The following SNRPN variants were observed in gnomAD, a reference collection of about 807,000 sequenced individuals.
SNRPN encodes small nuclear ribonucleoprotein-associated protein N.
Under a neutral mutation model 25.2 loss-of-function variants are expected in SNRPN, and 7 were observed. The ratio of observed to expected loss-of-function variants is 0.28; its 90% CI spans 0.16 to 0.52. The LOEUF (loss-of-function observed/expected upper bound fraction) is 0.52. Among genes scored for constraint, SNRPN ranks in the 20% least tolerant of loss-of-function variants. SNRPN has a pLI of 0.96. For synonymous variants in SNRPN, 124 were observed against 110.6 expected (o/e 1.12, Z -0.76); for missense variants, 196 against 322.5 (o/e 0.61, Z 3.00).
At chr15:24,899,587 A>G (rs2058318399) in intron 2 of SNRPN, among the ~76,000 whole-genome samples, 1 of 152,218 alleles carries the variant, frequency 6.6e-6, no homozygotes, top group African/African-American at 2.4e-5. Flanking sequence ...TTCTAGCATC[A>G]GGCTCCTACA....
At chr15:24,934,666 C>T (rs2061111228) in intron 3 of SNRPN, among the ~76,000 whole-genome samples, 2 of 152,184 alleles carry the variant, frequency 1.3e-5, no homozygotes, top group Non-Finnish European at 1.5e-5. Context: ...TCAAGCAATC[C>T]TATCTCAGCC....
At chr15:24,930,210 C>CAA (rs10554147) in intron 3 of SNRPN, among the ~76,000 whole-genome samples, 74 of 93,856 alleles carry the variant, frequency 7.9e-4, no homozygotes, top group Non-Finnish European at 1.3e-3. Context: ...CACCACAGTC[C>CAA]AAAAAAAAAA....
chr15:24,937,259 A>C lies in SNRPN; in HGVS notation c.-391+17135A>C, dbSNP rs180850783. Among the ~76,000 whole-genome samples the C allele has an allele frequency of 3.5e-3, 538 of 152,248 alleles. 7 individuals carry two copies. The highest frequency in any genetic ancestry group is 0.026 in the Admixed American group (399 of 15,280). ...CGTCTAAAACAAACAAACAAACAAAAAAATCAAAACAATTTCCCTAGAAAT... is the reference window on the plus strand; with the variant it reads ...CGTCTAAAACAAACAAACAAACAAACAAATCAAAACAATTTCCCTAGAAAT... On this transcript the variant is annotated intron_variant, in intron 3 of 11. Transcript: ENST00000400097.
chr15:24,841,075 G>A (rs774652842), intron 2 of SNRPN, among the ~76,000 whole-genome samples: 10 of 152,024 alleles, frequency 6.6e-5, no homozygotes, highest in African/African-American at 1.9e-4. Context: ...TCCTGACCTC[G>A]TGATTCACCC....
chr15:24,928,625 G>A (rs181500491), intron 3 of SNRPN, among the ~76,000 whole-genome samples: 1 of 151,972 alleles, frequency 6.6e-6, no homozygotes, highest in African/African-American at 2.4e-5. Context: ...TCTCTATCTA[G>A]CTGTAATTTT....
intron 1 of SNRPN, 96 bp from the exon 2 acceptor site, chr15:24,962,018 A>G (rs753428942): frequency 1.1e-5 from 11 of 1,032,528 alleles, no homozygotes; most frequent in Non-Finnish European, 1.7e-5. Context: ...TTAAAAATCC[A>G]TTATATTAAA....
intron 1 of SNRPN, among the ~76,000 whole-genome samples, chr15:24,959,166 C>T (rs1183036754): frequency 1.3e-5 from 2 of 152,172 alleles, no homozygotes; most frequent in Admixed American, 1.3e-4. Context: ...AAACATTTAA[C>T]ACCCTTTCTA....
At chr15:24,927,912 C>T (rs1315824822) in intron 3 of SNRPN, among the ~76,000 whole-genome samples, 2 of 152,174 alleles carry the variant, frequency 1.3e-5, no homozygotes, top group Non-Finnish European at 2.9e-5. Flanking sequence ...TCTACTGATG[C>T]TGTTTTGGTT....
At chr15:24,832,810 CA>C (rs1299995744) in intron 2 of SNRPN, among the ~76,000 whole-genome samples, 1 of 151,850 alleles carries the variant, frequency 6.6e-6, no homozygotes, top group African/African-American at 2.4e-5. Flanking sequence ...ACGTAGAACT[CA>C]AAAGATGATG....
chr15:24,848,006 T>G (rs1360208625), intron 2 of SNRPN, among the ~76,000 whole-genome samples: 1 of 151,940 alleles, frequency 6.6e-6, no homozygotes, highest in Non-Finnish European at 1.5e-5. Context: ...TATTATTACA[T>G]AAAACGTTTT....
chr15:24,896,564 A>C (rs2058092458), intron 2 of SNRPN, among the ~76,000 whole-genome samples: 1 of 152,090 alleles, frequency 6.6e-6, no homozygotes, highest in East Asian at 1.9e-4. Flanking sequence ...ATACAAAAAA[A>C]CTAGCTAGGT....
intron 3 of SNRPN, among the ~76,000 whole-genome samples, chr15:24,922,688 A>G (rs2060099419): frequency 6.6e-6 from 1 of 151,656 alleles, no homozygotes. Flanking sequence ...TTGATATTGC[A>G]TTTTCTGTAT....
rs137994662 is a variant in SNRPN at position 24,900,731 on chromosome 15, C to T, written c.-505+14142C>T. On this transcript the variant is annotated intron_variant, in intron 2 of 11. Transcript: ENST00000400097. Reference sequence around the variant, plus strand: ...GAATGTTGGAAGAGCATTCTAAGGCCGTTATACTAAGGAGGACAAAATATA... The same window carrying T: ...GAATGTTGGAAGAGCATTCTAAGGCTGTTATACTAAGGAGGACAAAATATA... 9.1e-3 allele frequency among the ~76,000 whole-genome samples: 1,384 copies of T among 152,146 alleles called. 4 individuals are homozygous for T. Among genetic ancestry groups the T allele is most frequent in the Non-Finnish European group, 0.015 (992 of 68,004 alleles).
intron 2 of SNRPN, chr15:24,966,947 C>T (rs2075730737): frequency 6.6e-6 from 1 of 152,046 alleles, no homozygotes; most frequent in East Asian, 1.9e-4. Context: ...GGGCTTTTGT[C>T]TGGAATTCCC....
Position 24,891,751 on chromosome 15 carries a change from A to G in SNRPN, c.-505+5162A>G, listed in dbSNP as rs916595940. On this transcript the variant is annotated intron_variant, in intron 2 of 11. Transcript: ENST00000400097. ...CCACACCCGGCAAATTTCTTTTAAG[A>G]TATTTTATAAATTAATTTGGTAATA... is the stretch of plus-strand genomic sequence containing the variant. Among the ~76,000 whole-genome samples the G allele has an allele frequency of 9.9e-5, 15 of 152,076 alleles. 1 individual carries two copies. Among genetic ancestry groups the G allele is most frequent in the East Asian group, 3.9e-4 (2 of 5,182 alleles).
chr15:24,949,112 C>T (rs1306242502), intron 3 of SNRPN, among the ~76,000 whole-genome samples: 1 of 145,520 alleles, frequency 6.9e-6, no homozygotes, highest in Non-Finnish European at 1.5e-5. Context: ...ACCTCCGTCT[C>T]CTGGGTTCAA....
In SNRPN at chr15:24,954,998, C is replaced by T. The variant is rs1040207732; in HGVS notation, c.-455C>T. ...GCAGCGAGTCTGGCGCAGAGTGGAGCGGCCGCCGGAGATGCCTGACGCATC... is the reference window on the plus strand; with the variant it reads ...GCAGCGAGTCTGGCGCAGAGTGGAGTGGCCGCCGGAGATGCCTGACGCATC... On this transcript the variant is annotated 5_prime_UTR_variant, in exon 1 of 10. Transcript: ENST00000390687. 16 of 1,609,982 alleles carry T rather than the reference C, an allele frequency of 9.9e-6. No homozygotes were observed. Among genetic ancestry groups the T allele is most frequent in the Non-Finnish European group, 1.4e-5 (16 of 1,179,200 alleles).
intron 2 of SNRPN, among the ~76,000 whole-genome samples, chr15:24,914,485 G>A (rs1355281067): frequency 1.3e-5 from 2 of 152,138 alleles, no homozygotes; most frequent in Admixed American, 1.3e-4. Context: ...GATCACTTGA[G>A]CCCAGGGTTT....
chr15:24,878,397 C>T (rs1436301972), intron 1 of SNRPN, among the ~76,000 whole-genome samples: 1 of 152,222 alleles, frequency 6.6e-6, no homozygotes, highest in Non-Finnish European at 1.5e-5. Context: ...GGGAGAACGG[C>T]AGCCCGCAGG....
Sources: gnomAD v4.1 joint callset for allele counts (sites outside exome capture counted in the v4.1 genomes callset) on GRCh38, gnomAD v4.1.1 for gene constraint, MANE v1.5 for transcripts, NCBI Gene and HGNC (gene_info 2026-07-23, HGNC 2026-07-21) for gene names.